Variants in PIP4P2 observed in about 807,000 individuals in gnomAD.
PIP4P2 encodes phosphatidylinositol-4,5-bisphosphate 4-phosphatase 2.
PIP4P2 carries 19 observed loss-of-function variants against 33.3 expected under a neutral mutation model. The observed-to-expected ratio is 0.57, with a 90% CI of 0.40 to 0.84. The LOEUF (loss-of-function observed/expected upper bound fraction) is 0.84, where lower values mean the gene tolerates loss of function less well. Among genes scored for constraint, PIP4P2 ranks in the 40% least tolerant of loss-of-function variants. PIP4P2 has a pLI of 0.00. For missense variants in PIP4P2, 270 were observed against 324.7 expected, an observed-to-expected ratio of 0.83 and a Z score of 1.29; for synonymous variants, 110 against 111.9, an observed-to-expected ratio of 0.98 and a Z score of 0.11.
intron 4 of PIP4P2, chr8:91,016,776 T>C (rs527416510): frequency 6.6e-6 from 1 of 152,286 alleles, no homozygotes; most frequent in African/African-American, 2.4e-5. Flanking sequence ...AAGGGAAGGA[T>C]GACAACTATG....
At chr8:91,026,216 T>A (rs1204656317) in intron 1 of PIP4P2, among the ~76,000 whole-genome samples, 1 of 152,170 alleles carries the variant, frequency 6.6e-6, no homozygotes, top group Non-Finnish European at 1.5e-5. Flanking sequence ...ATTTGTTACC[T>A]GTTTGCTCCC....
intron 5 of PIP4P2, among the ~76,000 whole-genome samples, chr8:91,001,089 A>G (rs1195636417): frequency 6.6e-6 from 1 of 152,004 alleles, no homozygotes. Context: ...GCAAATTTCT[A>G]TTTGAGACAA....
intron 5 of PIP4P2, among the ~76,000 whole-genome samples, chr8:91,004,021 T>TA (rs1255775141): frequency 1.3e-5 from 2 of 149,684 alleles, no homozygotes; most frequent in African/African-American, 4.9e-5. Flanking sequence ...ATGAAATAGA[T>TA]AAGAGGCAAT....
At chr8:91,007,462 C>T (rs1050469384) in intron 5 of PIP4P2, among the ~76,000 whole-genome samples, 35 of 152,216 alleles carry the variant, frequency 2.3e-4, no homozygotes, top group African/African-American at 7.9e-4. Context: ...GTATTTATAT[C>T]ATACTAAGGA....
intron 5 of PIP4P2, among the ~76,000 whole-genome samples, chr8:91,006,415 T>C (rs1780437854): frequency 6.6e-6 from 1 of 152,246 alleles, no homozygotes; most frequent in African/African-American, 2.4e-5. Flanking sequence ...TAATACACTG[T>C]CTTGTGATAT....
chr8:91,020,758 A>G (rs552789099), intron 2 of PIP4P2, among the ~76,000 whole-genome samples: 2 of 152,300 alleles, frequency 1.3e-5, no homozygotes, highest in South Asian at 4.1e-4. Context: ...ATAAAATGTC[A>G]AACTATTTGT....
At chr8:91,003,479 C>A (rs891215792) in intron 5 of PIP4P2, among the ~76,000 whole-genome samples, 3 of 151,986 alleles carry the variant, frequency 2.0e-5, no homozygotes, top group Non-Finnish European at 4.4e-5. Flanking sequence ...GGATAACATT[C>A]ATTAAAATAA....
At chr8:91,039,043 T>G (rs1202980664) in intron 1 of PIP4P2, among the ~76,000 whole-genome samples, 1 of 152,198 alleles carries the variant, frequency 6.6e-6, no homozygotes, top group Non-Finnish European at 1.5e-5. Context: ...TAGCCATTTT[T>G]AAAAAATAAC....
chr8:91,032,007 A>G (rs1284549626), intron 1 of PIP4P2, among the ~76,000 whole-genome samples: 1 of 152,224 alleles, frequency 6.6e-6, no homozygotes, highest in Non-Finnish European at 1.5e-5. Flanking sequence ...GCCAAAGGAA[A>G]CATAATGCAC....
At chr8:91,029,701 G>A (rs1018220904) in intron 1 of PIP4P2, among the ~76,000 whole-genome samples, 2 of 152,148 alleles carry the variant, frequency 1.3e-5, no homozygotes, top group African/African-American at 4.8e-5. Flanking sequence ...GCATAGATAA[G>A]TATTAAGATA....
chr8:90,995,531 T>G lies in PIP4P2; in HGVS notation c.*146A>C. On this transcript the variant is annotated 3_prime_UTR_variant, in exon 7 of 7. Coordinates refer to ENST00000285419, the MANE Select transcript of PIP4P2 (RefSeq NM_018710.3). Reference sequence around the variant, plus strand: ...GCATATAATATAGTGCAATGAGCATTTGTTCATAAAAGACTCCCAAAGTCT... The same window carrying G: ...GCATATAATATAGTGCAATGAGCATGTGTTCATAAAAGACTCCCAAAGTCT... 1 of 974,114 alleles carries G rather than the reference T, an allele frequency of 1.0e-6. No homozygotes were observed. Among genetic ancestry groups the G allele is most frequent in the Non-Finnish European group, 1.4e-6 (1 of 716,348 alleles). The allele number at this position is 974,114 out of a possible 1,614,324, so 60.3% of individuals were successfully genotyped here.
chr8:91,012,526 A>G (rs1263433756), intron 4 of PIP4P2, among the ~76,000 whole-genome samples: 1 of 152,130 alleles, frequency 6.6e-6, no homozygotes, highest in African/African-American at 2.4e-5. Flanking sequence ...AACTCTCAAA[A>G]GTAACCAATA....
intron 4 of PIP4P2, among the ~76,000 whole-genome samples, chr8:91,015,361 C>T (rs1436405659): frequency 6.6e-6 from 1 of 151,874 alleles, no homozygotes; most frequent in Non-Finnish European, 1.5e-5. Context: ...AGGGAGAGGA[C>T]GAGGAGGAGA....
At chr8:91,039,686 A>C (rs1231009772) in intron 1 of PIP4P2, among the ~76,000 whole-genome samples, 1 of 152,170 alleles carries the variant, frequency 6.6e-6, no homozygotes, top group Non-Finnish European at 1.5e-5. Flanking sequence ...CATTTTGACC[A>C]ATCTTTTCAC....
At chr8:90,997,723 T>G in intron 5 of PIP4P2, among the ~76,000 whole-genome samples, 1 of 152,128 alleles carries the variant, frequency 6.6e-6, no homozygotes, top group East Asian at 1.9e-4. Context: ...AGTATCTGAT[T>G]CACCTTTGTG....
intron 1 of PIP4P2, among the ~76,000 whole-genome samples, chr8:91,029,859 C>A (rs765133803): frequency 1.3e-5 from 2 of 151,848 alleles, no homozygotes; most frequent in African/African-American, 4.8e-5. Context: ...TCCAGCTACT[C>A]GGGAGGCTGA....
intron 4 of PIP4P2, among the ~76,000 whole-genome samples, chr8:91,009,126 C>A (rs553991523): frequency 2.0e-5 from 3 of 152,172 alleles, no homozygotes; most frequent in East Asian, 3.9e-4. Flanking sequence ...ATTTCATATA[C>A]CATCAAAGTT....
chr8:91,005,247 AT>A (rs1554581960), intron 5 of PIP4P2, among the ~76,000 whole-genome samples: 10 of 151,468 alleles, frequency 6.6e-5, no homozygotes, highest in Non-Finnish European at 1.5e-4. Flanking sequence ...CTTGATCCCA[AT>A]CTCTCTCTCT....
chr8:91,022,043 A>G (rs968020206), intron 1 of PIP4P2, among the ~76,000 whole-genome samples: 2 of 152,192 alleles, frequency 1.3e-5, no homozygotes, highest in Non-Finnish European at 2.9e-5. Context: ...TTTTAGTCTC[A>G]AAATTTACCT....
Sources: gnomAD v4.1 joint callset for allele counts (sites outside exome capture counted in the v4.1 genomes callset) on GRCh38, gnomAD v4.1.1 for gene constraint, MANE v1.5 for transcripts, NCBI Gene and HGNC (gene_info 2026-07-23, HGNC 2026-07-21) for gene names.